Variants in MDFIC observed in about 807,000 individuals in gnomAD.
MDFIC encodes myoD family inhibitor domain-containing protein.
A neutral mutation model predicts 23.2 loss-of-function variants in MDFIC; 17 were observed. The ratio of observed to expected loss-of-function variants is 0.73; its 90% CI spans 0.50 to 1.10. MDFIC has a LOEUF of 1.10. MDFIC is among the 50% of genes least tolerant of loss of function. The pLI, the probability that MDFIC is intolerant of heterozygous loss-of-function variation, is 0.00. For missense variants in MDFIC, 356 were observed against 316.6 expected (o/e 1.12, Z -0.95); for synonymous variants, 120 against 115.2 (o/e 1.04, Z -0.27).
chr7:114,995,729 G>T (rs1791310650), intron 4 of MDFIC, among the ~76,000 whole-genome samples: 1 of 152,214 alleles, frequency 6.6e-6, no homozygotes, highest in Non-Finnish European at 1.5e-5. Flanking sequence ...GGGGTACTCA[G>T]CCGTGTGAGG....
chr7:114,968,747 C>T (rs1306316235), intron 3 of MDFIC, among the ~76,000 whole-genome samples: 1 of 152,120 alleles, frequency 6.6e-6, no homozygotes, highest in Non-Finnish European at 1.5e-5. Flanking sequence ...GGAAGTCCTC[C>T]TAGTAACAAC....
At chr7:115,002,240 A>G (rs1300666000) in intron 4 of MDFIC, among the ~76,000 whole-genome samples, 1 of 152,214 alleles carries the variant, frequency 6.6e-6, no homozygotes, top group African/African-American at 2.4e-5. Context: ...TGACTCTGTC[A>G]TTCTGGCATA....
At chr7:114,950,455 G>T (rs1246230111) in intron 3 of MDFIC, among the ~76,000 whole-genome samples, 2 of 152,160 alleles carry the variant, frequency 1.3e-5, no homozygotes, top group African/African-American at 4.8e-5. Flanking sequence ...GCTATAAAAT[G>T]GGTAGGGAAG....
chr7:114,982,825 C>A (rs1482034718), intron 4 of MDFIC, among the ~76,000 whole-genome samples: 1 of 152,152 alleles, frequency 6.6e-6, no homozygotes, highest in Non-Finnish European at 1.5e-5. Flanking sequence ...CTGGAGATGA[C>A]CATTTTCTGC....
intron 3 of MDFIC, among the ~76,000 whole-genome samples, chr7:114,953,282 T>C (rs1276451289): frequency 6.6e-6 from 1 of 152,208 alleles, no homozygotes; most frequent in East Asian, 1.9e-4. Flanking sequence ...TTTAAATTTA[T>C]TAAATTCAAA....
intron 3 of MDFIC, among the ~76,000 whole-genome samples, chr7:114,966,710 T>C (rs1450951526): frequency 6.6e-6 from 1 of 152,226 alleles, no homozygotes; most frequent in Non-Finnish European, 1.5e-5. Flanking sequence ...GTTTAAAATC[T>C]GGTTGTATAT....
intron 3 of MDFIC, among the ~76,000 whole-genome samples, chr7:114,968,716 A>T (rs899033812): frequency 1.3e-5 from 2 of 152,166 alleles, no homozygotes; most frequent in Non-Finnish European, 1.5e-5. Context: ...CCTTTTCTCA[A>T]TGTATTTTAA....
chr7:114,962,864 C>T (rs1793019703), intron 3 of MDFIC, among the ~76,000 whole-genome samples: 1 of 152,168 alleles, frequency 6.6e-6, no homozygotes, highest in Admixed American at 6.6e-5. Flanking sequence ...TATTAAAGAG[C>T]ATCAAATCAT....
intron 4 of MDFIC, among the ~76,000 whole-genome samples, chr7:114,998,252 T>A (rs1324699717): frequency 6.6e-6 from 1 of 152,178 alleles, no homozygotes; most frequent in Admixed American, 6.6e-5. Flanking sequence ...AAAAATAGTA[T>A]CAAAGTGTTA....
chr7:114,979,625 G>C lies in MDFIC; in HGVS notation c.337G>C (p.Ala113Pro), dbSNP rs1793382021. The C allele has an allele frequency of 6.2e-7, 1 of 1,613,874 alleles. No individual in the cohort carries two copies. Among genetic ancestry groups the C allele is most frequent in the African/African-American group, 1.3e-5 (1 of 74,858 alleles). The change falls in exon 4 of 5, where the codon GCC (alanine) becomes CCC (proline). Residue 113 changes from alanine (A) to proline (P), a missense_variant. Transcript: ENST00000393486. ...CAATGGAAATGGAATTCACCACGGGGCCAAACACGGATCCGCAGATAATCG... is the reference window on the plus strand; with the variant it reads ...CAATGGAAATGGAATTCACCACGGGCCCAAACACGGATCCGCAGATAATCG... ...LSNGNGIHHG[A>P]KHGSADNRKL...
chr7:114,929,084 G>GATCTATCTATCTATCTATCT (rs11273513), intron 2 of MDFIC, among the ~76,000 whole-genome samples: 14,678 of 147,958 alleles, frequency 0.099, 836 homozygotes, highest in Admixed American at 0.15. Context: ...GATAAATATA[G>GATCTATCTATCTATCTATCT]ATCTATCTAT....
At chr7:114,927,484 C>T (rs1792216177) in intron 2 of MDFIC, among the ~76,000 whole-genome samples, 1 of 151,970 alleles carries the variant, frequency 6.6e-6, no homozygotes, top group Non-Finnish European at 1.5e-5. Context: ...AATACTGCTG[C>T]ATAGTCATCC....
Position 114,979,735 on chromosome 7 carries a change from C to G in MDFIC, c.447C>G (p.Ser149Arg), listed in dbSNP as rs576597798. 4.3e-6 allele frequency: 7 copies of G among 1,614,098 alleles called. No individual in the cohort carries two copies. In the South Asian group the frequency reaches 5.5e-5, roughly 13 times the overall value. The change falls in exon 4 of 5, where the codon AGC becomes AGG. Residue 149 changes from serine to arginine, a missense_variant. By Grantham distance (110) the Ser-to-Arg change is moderately radical. Transcript: ENST00000393486. ...TAAACAGCGATATCAGTAAGAAGAG[C>G]AAAGTAAATGCTGTCTTTTCCCAAA... Reference protein sequence around the residue: ...LSVNSDISKKSKVNAVFSQKT... With the variant: ...LSVNSDISKKRKVNAVFSQKT...
At chr7:115,012,969 ACT>A (rs1791710487) in intron 4 of MDFIC, among the ~76,000 whole-genome samples, 1 of 152,116 alleles carries the variant, frequency 6.6e-6, no homozygotes, top group East Asian at 1.9e-4. Context: ...ACAGAGTAAG[ACT>A]CTGTCTCAAA....
chr7:114,939,330 C>T (rs926158225), intron 2 of MDFIC, among the ~76,000 whole-genome samples: 10 of 152,098 alleles, frequency 6.6e-5, no homozygotes, highest in African/African-American at 2.4e-4. Flanking sequence ...ACCCTGAGAC[C>T]AGCTTTTGAG....
intron 4 of MDFIC, among the ~76,000 whole-genome samples, chr7:114,987,503 T>C (rs533189915): frequency 6.6e-6 from 1 of 152,286 alleles, no homozygotes; most frequent in East Asian, 1.9e-4. Flanking sequence ...TGATGTTTTG[T>C]TTTGTTATGT....
chr7:114,973,535 C>G (rs1004311775), intron 3 of MDFIC, among the ~76,000 whole-genome samples: 5 of 152,268 alleles, frequency 3.3e-5, no homozygotes, highest in Non-Finnish European at 7.4e-5. Flanking sequence ...AGAAATGGGA[C>G]TAGCCACGTA....
At chr7:114,925,358 C>A (rs1242872862) in intron 2 of MDFIC, among the ~76,000 whole-genome samples, 1 of 152,170 alleles carries the variant, frequency 6.6e-6, no homozygotes, top group African/African-American at 2.4e-5. Context: ...AAATTCAATT[C>A]TACATCCTTT....
At chr7:114,983,326 G>T (rs1793450310) in intron 4 of MDFIC, among the ~76,000 whole-genome samples, 1 of 151,652 alleles carries the variant, frequency 6.6e-6, no homozygotes, top group Non-Finnish European at 1.5e-5. Context: ...CATTTTTTTT[G>T]GTTCAGATAA....
Sources: allele counts gnomAD v4.1 joint callset (sites outside exome capture counted in the v4.1 genomes callset), GRCh38; gene constraint gnomAD v4.1.1; transcripts MANE v1.5; gene names NCBI Gene and HGNC (gene_info 2026-07-23, HGNC 2026-07-21).